The following UBXN2A variants were observed in gnomAD, a reference collection of about 807,000 sequenced individuals.
UBXN2A encodes the protein UBX domain protein 2A.
A neutral mutation model predicts 28.4 loss-of-function variants in UBXN2A; 28 were observed. The ratio of observed to expected loss-of-function variants is 0.99; its 90% confidence interval spans 0.73 to 1.35. UBXN2A has a LOEUF of 1.35. UBXN2A is among the 40% of genes most tolerant of loss of function. UBXN2A has a pLI of 0.00. For missense variants in UBXN2A, 253 were observed against 297.9 expected (o/e 0.85, Z 1.11); for synonymous variants, 97 against 103.6 (o/e 0.94, Z 0.39).
chr2:23,988,944 A>G (rs1265425511), intron 6 of UBXN2A, among the ~76,000 whole-genome samples: 2 of 152,160 alleles, frequency 1.3e-5, no homozygotes, highest in African/African-American at 4.8e-5. Context: ...TTTTCAGCAC[A>G]AAATTTTTTT....
chr2:23,952,515 G>A (rs1308686021), intron 1 of UBXN2A, among the ~76,000 whole-genome samples: 3 of 152,172 alleles, frequency 2.0e-5, no homozygotes, highest in Admixed American at 6.6e-5. Context: ...CGCGATGTCA[G>A]CTCACCACAA....
At chr2:23,983,443 A>G (rs56289338) in intron 5 of UBXN2A, among the ~76,000 whole-genome samples, 28,483 of 151,802 alleles carry the variant, frequency 0.19, 2,789 homozygotes, top group Middle Eastern at 0.26. Context: ...GGAGGCAGAG[A>G]TTGCGGTGAG....
chr2:23,943,614 A>G (rs937868197), intron 1 of UBXN2A, among the ~76,000 whole-genome samples: 10 of 152,042 alleles, frequency 6.6e-5, no homozygotes, highest in Admixed American at 3.3e-4. Flanking sequence ...CAGCCTCCCA[A>G]GTAGTTGGGA....
chr2:23,962,202 A>G (rs192294840), intron 2 of UBXN2A, among the ~76,000 whole-genome samples: 2 of 152,310 alleles, frequency 1.3e-5, no homozygotes, highest in Non-Finnish European at 2.9e-5. Context: ...GTGAAGTTCT[A>G]TGTTTACCAT....
chr2:23,988,552 A>C (rs1394727273), intron 6 of UBXN2A, among the ~76,000 whole-genome samples: 3 of 152,118 alleles, frequency 2.0e-5, no homozygotes, highest in Non-Finnish European at 4.4e-5. Context: ...AATGCTTTGT[A>C]CCTCTCATTG....
Position 24,000,691 on chromosome 2 carries a change from CCT to C in UBXN2A, c.*825_*826del, listed in dbSNP as rs1408544233. 4 of 151,956 alleles carry C rather than the reference CCT, an allele frequency of 2.6e-5. No homozygotes were observed. The East Asian group carries it at 7.7e-4, about 29-fold the overall frequency. 9.4% of individuals were successfully genotyped at this position (151,956 alleles called of 1,614,324 possible). ...CCAGAATGATCAACAGAGTGAGACC[CCT>C]GTCTATATATTTTTTTAATTTAAAA... On this transcript the variant is annotated 3_prime_UTR_variant, in exon 7 of 7. Coordinates refer to ENST00000309033, the MANE Select transcript of UBXN2A (RefSeq NM_181713.4).
intron 1 of UBXN2A, among the ~76,000 whole-genome samples, chr2:23,950,890 G>A (rs1037013634): frequency 1.3e-5 from 2 of 151,550 alleles, no homozygotes; most frequent in African/African-American, 4.9e-5. Flanking sequence ...TGTTGGCCAG[G>A]CTGGTCTCGA....
At chr2:23,979,707 G>A (rs867795027) in intron 4 of UBXN2A, among the ~76,000 whole-genome samples, 3 of 151,888 alleles carry the variant, frequency 2.0e-5, no homozygotes, top group Non-Finnish European at 2.9e-5. Flanking sequence ...TAGCTGGAAC[G>A]ATAGGTGTAT....
At chr2:23,982,400 G>A (rs1707949546) in intron 4 of UBXN2A, among the ~76,000 whole-genome samples, 2 of 152,008 alleles carry the variant, frequency 1.3e-5, no homozygotes, top group Admixed American at 1.3e-4. Flanking sequence ...TTTTTGTTGG[G>A]CCACATTTAA....
intron 2 of UBXN2A, among the ~76,000 whole-genome samples, chr2:23,961,145 G>A (rs1706885823): frequency 6.6e-6 from 1 of 151,416 alleles, no homozygotes; most frequent in African/African-American, 2.4e-5. Context: ...ACCCAGGCTG[G>A]GGTGCAGTGG....
At chr2:23,950,490 G>A (rs566428887) in intron 1 of UBXN2A, among the ~76,000 whole-genome samples, 3 of 148,756 alleles carry the variant, frequency 2.0e-5, no homozygotes, top group African/African-American at 5.0e-5. Flanking sequence ...TGCGACCTCC[G>A]ACTCCTGGGT....
In UBXN2A at chr2:23,999,658, T is replaced by C; in HGVS notation, c.585-14T>C. On this transcript the variant is annotated splice_polypyrimidine_tract_variant and intron_variant, in intron 6 of 6. Coordinates refer to ENST00000309033, the MANE Select transcript of UBXN2A (RefSeq NM_181713.4). ...TTTCCTAAAATTATATTAATAGTTT[T>C]TGCTGTTTTACAGAGTAAGCCATAT... The C allele has an allele frequency of 6.3e-7, 1 of 1,588,962 alleles. No homozygotes were observed. The highest frequency in any genetic ancestry group is 2.2e-5 in the East Asian group (1 of 44,792).
chr2:23,958,572 A>G (rs1230395031), intron 2 of UBXN2A, among the ~76,000 whole-genome samples: 1 of 152,210 alleles, frequency 6.6e-6, no homozygotes, highest in African/African-American at 2.4e-5. Flanking sequence ...AAAAAGTTAA[A>G]TTATCTGTGT....
intron 4 of UBXN2A, among the ~76,000 whole-genome samples, chr2:23,981,161 A>C (rs1271671554): frequency 6.6e-6 from 1 of 152,128 alleles, no homozygotes; most frequent in Non-Finnish European, 1.5e-5. Flanking sequence ...AGTATGGCTT[A>C]TATACACAAA....
At chr2:23,975,469 C>G (rs1399479672) in intron 3 of UBXN2A, among the ~76,000 whole-genome samples, 1 of 151,926 alleles carries the variant, frequency 6.6e-6, no homozygotes, top group Non-Finnish European at 1.5e-5. Context: ...ATTATGAGAC[C>G]CCAGCTGATT....
At chr2:23,998,245 C>T (rs1708615620) in intron 6 of UBXN2A, among the ~76,000 whole-genome samples, 1 of 152,084 alleles carries the variant, frequency 6.6e-6, no homozygotes, top group African/African-American at 2.4e-5. Context: ...TTATTTTTCA[C>T]TCATCCAATA....
chr2:23,976,442 G>A (rs192268270), intron 3 of UBXN2A, among the ~76,000 whole-genome samples: 29 of 152,134 alleles, frequency 1.9e-4, no homozygotes, highest in African/African-American at 6.5e-4. Flanking sequence ...CCATTTTTAC[G>A]CTGCTGATAA....
At chr2:23,928,979 ATCAAT>A (rs766388789) in intron 1 of UBXN2A, among the ~76,000 whole-genome samples, 20 of 152,314 alleles carry the variant, frequency 1.3e-4, no homozygotes, top group Admixed American at 2.6e-4. Flanking sequence ...ATAAACAAGT[ATCAAT>A]TCCTGTGGAA....
chr2:23,949,320 C>T (rs1159233759), intron 1 of UBXN2A, among the ~76,000 whole-genome samples: 2 of 151,658 alleles, frequency 1.3e-5, no homozygotes, highest in Non-Finnish European at 2.9e-5. Context: ...GCTTGTAATC[C>T]CAGCACTGTG....
Sources: gnomAD v4.1 joint callset for allele counts (sites outside exome capture counted in the v4.1 genomes callset) on GRCh38, gnomAD v4.1.1 for gene constraint, MANE v1.5 for transcripts, NCBI Gene and HGNC (gene_info 2026-07-23, HGNC 2026-07-21) for gene names.